Variants in CDKN2B-AS1 observed in about 807,000 individuals in gnomAD.
The protein encoded by CDKN2B-AS1 is CDKN2B and CDKN2A antisense cis and trans regulatory RNA 1, also known as CDKN2B antisense RNA 1 (non-protein coding).
chr9:22,055,174 T>C (rs1353553259), intron 3 of CDKN2B-AS1, among the ~76,000 whole-genome samples: 1 of 152,236 alleles, frequency 6.6e-6, no homozygotes, highest in African/African-American at 2.4e-5. Context: ...TATATATTTA[T>C]TGTGTACAGT....
intron 4 of CDKN2B-AS1, among the ~76,000 whole-genome samples, chr9:22,086,151 G>A (rs1273367401): frequency 1.3e-5 from 2 of 152,102 alleles, no homozygotes; most frequent in Non-Finnish European, 2.9e-5. Context: ...CAATGTGGTA[G>A]AGTTATTATT....
chr9:22,105,146 A>G (rs1460302393), intron 4 of CDKN2B-AS1, among the ~76,000 whole-genome samples: 1 of 152,194 alleles, frequency 6.6e-6, no homozygotes, highest in African/African-American at 2.4e-5. Context: ...TAACTCGTTA[A>G]ATGAGGGTAT....
intron 4 of CDKN2B-AS1, among the ~76,000 whole-genome samples, chr9:22,079,178 G>C (rs1824604259): frequency 6.6e-6 from 1 of 152,182 alleles, no homozygotes. Context: ...TTGGAGGCTG[G>C]AAAGGATAGA....
chr9:22,085,184 G>A (rs1433174096), intron 4 of CDKN2B-AS1, among the ~76,000 whole-genome samples: 1 of 152,172 alleles, frequency 6.6e-6, no homozygotes, highest in Non-Finnish European at 1.5e-5. Flanking sequence ...CTTGGGTTAT[G>A]ATCAAGGAGA....
At chr9:21,998,396 G>A (rs1397276097) in intron 1 of CDKN2B-AS1, among the ~76,000 whole-genome samples, 1 of 152,230 alleles carries the variant, frequency 6.6e-6, no homozygotes, top group African/African-American at 2.4e-5. Context: ...TTTTACAGGT[G>A]GAAAGAATGA....
At position 22,000,639 on chromosome 9, in the gene CDKN2B-AS1, A is replaced by G. The variant is rs1445090460; in HGVS notation, n.29+5478A>G. Among the ~76,000 whole-genome samples the G allele has an allele frequency of 6.6e-6, 1 of 152,168 alleles. No individual in the cohort carries two copies. Among genetic ancestry groups the G allele is most frequent in the South Asian group, 2.1e-4 (1 of 4,830 alleles). The stretch of plus-strand genomic sequence containing the variant: ...CATCTTTACAACAGTCACCCTCTAG[A>G]AGAAAACTCTGTGTTGACAATAATC... On this transcript the variant is annotated intron_variant and non_coding_transcript_variant, in intron 1 of 4. Transcript: ENST00000650946. This position sits in a 1 kb window ranked among gnomAD's most constrained non-coding sequence, Gnocchi z 4.1.
intron 4 of CDKN2B-AS1, among the ~76,000 whole-genome samples, chr9:22,081,259 A>T (rs1165787502): frequency 1.4e-5 from 2 of 145,626 alleles, no homozygotes; most frequent in Non-Finnish European, 3.0e-5. Context: ...ATGTTATCAG[A>T]TATTTTGTTC....
chr9:22,052,628 T>A (rs1823397061), intron 3 of CDKN2B-AS1, among the ~76,000 whole-genome samples: 1 of 152,192 alleles, frequency 6.6e-6, no homozygotes, highest in African/African-American at 2.4e-5. Context: ...TGTCTTTTCA[T>A]CAAAACTCGT....
chr9:22,083,714 G>A (rs1824777022), intron 4 of CDKN2B-AS1, among the ~76,000 whole-genome samples: 5 of 152,188 alleles, frequency 3.3e-5, no homozygotes, highest in Admixed American at 3.3e-4. Flanking sequence ...GTGGCATCCA[G>A]GTTTCTGAAT....
intron 3 of CDKN2B-AS1, among the ~76,000 whole-genome samples, chr9:22,050,755 G>A (rs1433223226): frequency 1.3e-5 from 2 of 152,148 alleles, no homozygotes; most frequent in African/African-American, 2.4e-5. Context: ...ACTGTCTAGG[G>A]AAGCTCCTTA....
At chr9:22,034,885 T>C (rs1822623824) in intron 1 of CDKN2B-AS1, among the ~76,000 whole-genome samples, 1 of 152,190 alleles carries the variant, frequency 6.6e-6, no homozygotes. Flanking sequence ...CATAATTTGC[T>C]AACCTGTGGT....
intron 4 of CDKN2B-AS1, among the ~76,000 whole-genome samples, chr9:22,110,540 T>C (rs905795180): frequency 2.6e-5 from 4 of 152,204 alleles, no homozygotes; most frequent in African/African-American, 7.2e-5. Context: ...CATCTTTTAA[T>C]GAGAGCTTAG....
At chr9:22,090,936 C>T (rs9644861) in intron 4 of CDKN2B-AS1, among the ~76,000 whole-genome samples, 93,217 of 150,742 alleles carry the variant, frequency 0.62, 30,869 homozygotes, top group African/African-American at 0.88. Context: ...CCTAGGTTTT[C>T]TTCTAGGGTT....
intron 4 of CDKN2B-AS1, among the ~76,000 whole-genome samples, chr9:22,088,754 T>C (rs1220136860): frequency 1.3e-5 from 2 of 152,178 alleles, no homozygotes; most frequent in Admixed American, 1.3e-4. Flanking sequence ...TCAGGCTCTA[T>C]AAAAGAAAAT....
chr9:22,114,545 A>G (rs1427676560), intron 4 of CDKN2B-AS1, among the ~76,000 whole-genome samples: 1 of 152,234 alleles, frequency 6.6e-6, no homozygotes, highest in East Asian at 1.9e-4. Context: ...TAAGATTTCA[A>G]TTCTAAGAAC....
chr9:22,016,602 A>G (rs1336174981), intron 1 of CDKN2B-AS1, among the ~76,000 whole-genome samples: 1 of 152,210 alleles, frequency 6.6e-6, no homozygotes. Context: ...AAACAGAGAT[A>G]TAGATCAATG....
chr9:22,050,019 G>T (rs1021955325), intron 3 of CDKN2B-AS1, among the ~76,000 whole-genome samples: 3 of 152,102 alleles, frequency 2.0e-5, no homozygotes, highest in Non-Finnish European at 4.4e-5. Flanking sequence ...ACCAAGGGGT[G>T]AATTTTTATT....
chr9:22,078,131 G>A (rs755520277), intron 4 of CDKN2B-AS1, among the ~76,000 whole-genome samples: 1 of 151,926 alleles, frequency 6.6e-6, no homozygotes, highest in South Asian at 2.1e-4. Flanking sequence ...ATTTCTTATA[G>A]TGTCTTGAAC....
At chr9:22,026,353 G>T (rs537176257) in intron 1 of CDKN2B-AS1, among the ~76,000 whole-genome samples, 49 of 152,286 alleles carry the variant, frequency 3.2e-4, no homozygotes, top group African/African-American at 1.2e-3. Context: ...AATGGGATCG[G>T]GGACCAACTT....
Sources: allele counts gnomAD v4.1 joint callset (sites outside exome capture counted in the v4.1 genomes callset), GRCh38; gene constraint gnomAD v4.1.1; non-coding constraint Gnocchi (gnomAD v3.1); transcripts MANE v1.5; gene names NCBI Gene and HGNC (gene_info 2026-07-23, HGNC 2026-07-21).